The following CAMTA1 variants were observed in gnomAD, a reference collection of about 807,000 sequenced individuals.
CAMTA1 encodes the protein calmodulin-binding transcription activator 1.
Under a neutral mutation model 170.9 loss-of-function variants are expected in CAMTA1, and 27 were observed. The ratio of observed to expected loss-of-function variants is 0.16; its 90% CI spans 0.12 to 0.22. The LOEUF (loss-of-function observed/expected upper bound fraction) is 0.22. CAMTA1 is among the 10% of genes least tolerant of loss of function. The pLI, the probability that CAMTA1 is intolerant of heterozygous loss-of-function variation, is 1.00. For synonymous variants in CAMTA1, 833 were observed against 891.5 expected (o/e 0.93, Z 1.17); for missense variants, 1,619 against 2,217.2 (o/e 0.73, Z 5.42).
intron 16 of CAMTA1, among the ~76,000 whole-genome samples, chr1:7,744,124 G>T (rs1203981075): frequency 8.4e-6 from 1 of 119,730 alleles, no homozygotes; most frequent in Non-Finnish European, 1.7e-5. Flanking sequence ...ACTGCGCCTG[G>T]CCTCTTTTTT....
chr1:7,485,232 A>G (rs964514615), intron 6 of CAMTA1, among the ~76,000 whole-genome samples: 7 of 152,052 alleles, frequency 4.6e-5, no homozygotes, highest in African/African-American at 1.7e-4. Context: ...CGCGCATTAC[A>G]TAGCTGCAGT....
intron 6 of CAMTA1, among the ~76,000 whole-genome samples, chr1:7,472,195 C>T (rs151012356): frequency 9.3e-4 from 142 of 152,250 alleles, no homozygotes; most frequent in African/African-American, 3.2e-3. Flanking sequence ...AGCACGGCTG[C>T]GGGGAGACGA....
Position 7,680,583 on chromosome 1 carries a change from G to A in CAMTA1, c.2914+2850G>A, listed in dbSNP as rs2096183048. 6.6e-6 allele frequency among the ~76,000 whole-genome samples: 1 copy of A among 151,968 alleles called. No individual in the cohort carries two copies. Among genetic ancestry groups the A allele is most frequent in the Non-Finnish European group, 1.5e-5 (1 of 67,958 alleles). On this transcript the variant is annotated intron_variant, in intron 11 of 22. Coordinates refer to ENST00000303635, the MANE Select transcript of CAMTA1 (RefSeq NM_015215.4). This position sits in a 1 kb window ranked among gnomAD's most constrained non-coding sequence, Gnocchi z 4.4. ...ACTGCGAGGACCGCGGGACTAGGAA[G>A]GCCTGAGCCCGGCCACCCGCCTCCG...
At chr1:7,076,213 G>A (rs891485965) in intron 3 of CAMTA1, among the ~76,000 whole-genome samples, 5 of 152,186 alleles carry the variant, frequency 3.3e-5, no homozygotes, top group Non-Finnish European at 7.3e-5. Flanking sequence ...GACAAGAAGG[G>A]CCTCGTTTTA....
At chr1:7,724,161 C>T (rs898564215) in intron 11 of CAMTA1, among the ~76,000 whole-genome samples, 2 of 152,210 alleles carry the variant, frequency 1.3e-5, no homozygotes, top group African/African-American at 4.8e-5. Context: ...TATGGAGAAA[C>T]TGTCACAGAT....
rs2096189128 is a variant in CAMTA1 at position 7,680,840 on chromosome 1, ACACGCGCGCG to A, written c.2914+3109_2914+3118del. 7.8e-6 allele frequency among the ~76,000 whole-genome samples: 1 copy of A among 127,402 alleles called. No homozygotes were observed. Among genetic ancestry groups the A allele is most frequent in the Non-Finnish European group, 1.8e-5 (1 of 55,942 alleles). 83.6% of individuals were successfully genotyped at this position (127,402 alleles called of 152,430 possible). ...GGGGCGTGGGTCCGGGGCGCAGAGA[ACACGCGCGCG>A]CGCGCGCGCGCCAGCAGCAGCAGCA... is the stretch of plus-strand genomic sequence containing the variant. On this transcript the variant is annotated intron_variant, in intron 11 of 22. Transcript: ENST00000303635. The surrounding 1 kb of genome is among the most constrained non-coding windows in gnomAD (Gnocchi z 4.4).
chr1:6,998,612 T>A (rs577339814), intron 3 of CAMTA1, among the ~76,000 whole-genome samples: 1 of 152,374 alleles, frequency 6.6e-6, no homozygotes, highest in South Asian at 2.1e-4. Flanking sequence ...TAGCACCGTC[T>A]GGTGCACCTT....
rs550817260 is a variant in CAMTA1, at chr1:7,293,649, G to C, written c.438+44023G>C. Among the ~76,000 whole-genome samples, 1 of 152,322 alleles carries C rather than the reference G, an allele frequency of 6.6e-6. No individual in the cohort carries two copies. Among genetic ancestry groups the C allele is most frequent in the Non-Finnish European group, 1.5e-5 (1 of 68,024 alleles). On this transcript the variant is annotated intron_variant, in intron 5 of 22. Transcript: ENST00000303635. This position sits in a 1 kb window ranked among gnomAD's most constrained non-coding sequence, Gnocchi z 4.1. ...GGTATTTCAATAAGATTGAAGGGGGGTGGAAATAGATTGCATCCCACTTAG... is the reference window on the plus strand; with the variant it reads ...GGTATTTCAATAAGATTGAAGGGGGCTGGAAATAGATTGCATCCCACTTAG...
rs1436192966 is a variant in CAMTA1 at position 7,579,552 on chromosome 1, C to CTTTCTTTCTTTTTTTT, written c.511-60845_511-60844insCTTTCTTTTTTTTTTT. Among the ~76,000 whole-genome samples the CTTTCTTTCTTTTTTTT allele has an allele frequency of 3.5e-3, 278 of 79,162 alleles. 10 individuals are homozygous for CTTTCTTTCTTTTTTTT. Among genetic ancestry groups the CTTTCTTTCTTTTTTTT allele is most frequent in the African/African-American group, 0.016 (271 of 16,932 alleles). 51.9% of individuals were successfully genotyped at this position (79,162 alleles called of 152,430 possible). A position where few individuals can be genotyped will look rare whatever the true frequency, so the allele number is the denominator to read the frequency against. The stretch of plus-strand genomic sequence containing the variant: ...GGTCCACTTTCTTTTCTTTTCTTTT[C>CTTTCTTTCTTTTTTTT]TTTTTTTTTTTTTTTTTTTTTTTTT... On this transcript the variant is annotated intron_variant, in intron 6 of 22. Coordinates refer to ENST00000303635, the MANE Select transcript of CAMTA1 (RefSeq NM_015215.4).
At chr1:7,644,093 C>T (rs949474736) in intron 7 of CAMTA1, among the ~76,000 whole-genome samples, 2 of 152,178 alleles carry the variant, frequency 1.3e-5, no homozygotes, top group South Asian at 2.1e-4. Context: ...GAGTTGTCAG[C>T]GGTTTAATCA....
intron 10 of CAMTA1, among the ~76,000 whole-genome samples, chr1:7,672,502 A>G (rs2096069282): frequency 6.6e-6 from 1 of 151,892 alleles, no homozygotes; most frequent in African/African-American, 2.4e-5. Flanking sequence ...GCTCACTGCA[A>G]CCTCTGTTTC....
At chr1:6,925,836 C>T (rs938763000) in intron 3 of CAMTA1, among the ~76,000 whole-genome samples, 1 of 152,188 alleles carries the variant, frequency 6.6e-6, no homozygotes, top group African/African-American at 2.4e-5. Context: ...GCCATAGGGC[C>T]CTAAGCTGTC....
Position 7,193,923 on chromosome 1 carries a change from A to G in CAMTA1, c.303-55568A>G, listed in dbSNP as rs78437257. On this transcript the variant is annotated intron_variant, in intron 4 of 22. Transcript: ENST00000303635. Reference sequence around the variant, plus strand: ...TCCCACCATCTCTGAGGCCTAAATGACAGGGTTCTTGAAGACAGCAACAGA... The same window carrying G: ...TCCCACCATCTCTGAGGCCTAAATGGCAGGGTTCTTGAAGACAGCAACAGA... Among the ~76,000 whole-genome samples the G allele has an allele frequency of 4.4e-3, 676 of 152,280 alleles. 21 individuals are homozygous for G. The East Asian group carries it at 0.08, about 18-fold the overall frequency.
At chr1:6,973,822 C>T (rs1268449245) in intron 3 of CAMTA1, among the ~76,000 whole-genome samples, 1 of 152,168 alleles carries the variant, frequency 6.6e-6, no homozygotes, top group African/African-American at 2.4e-5. Context: ...GAAAGTATCG[C>T]CTCATCTCCC....
intron 6 of CAMTA1, among the ~76,000 whole-genome samples, chr1:7,637,421 C>T (rs1468107951): frequency 1.3e-5 from 2 of 152,240 alleles, no homozygotes; most frequent in Non-Finnish European, 1.5e-5. Flanking sequence ...TGGCCGTGCC[C>T]AGGCACAGGC....
chr1:7,368,447 C>T lies in CAMTA1; in HGVS notation c.439-99383C>T, dbSNP rs572859459. On this transcript the variant is annotated intron_variant, in intron 5 of 22. Transcript: ENST00000303635. The stretch of plus-strand genomic sequence containing the variant: ...ACTGGGCACTCATGGTTTCATTGGG[C>T]GCAGGCACTGGGCACTCATGGTTTC... Among the ~76,000 whole-genome samples, 9 of 150,676 alleles carry T rather than the reference C, an allele frequency of 6.0e-5. No homozygotes were observed. In the East Asian group the frequency reaches 1.2e-3, roughly 20 times the overall value.
intron 3 of CAMTA1, among the ~76,000 whole-genome samples, chr1:7,061,342 C>T (rs546099344): frequency 5.3e-5 from 8 of 152,338 alleles, no homozygotes; most frequent in South Asian, 4.1e-4. Flanking sequence ...TGGTCGCCAG[C>T]GCGCACAGTT....
chr1:6,899,903 T>A (rs970228258), intron 3 of CAMTA1, among the ~76,000 whole-genome samples: 1 of 152,266 alleles, frequency 6.6e-6, no homozygotes, highest in Non-Finnish European at 1.5e-5. Flanking sequence ...GTGTTGCCTC[T>A]GTGTTATACA....
intron 3 of CAMTA1, chr1:6,888,283 G>A (rs1673756251): frequency 1.0e-6 from 1 of 982,438 alleles, no homozygotes; most frequent in Non-Finnish European, 1.2e-6. Context: ...CAATGATAAA[G>A]CAGTGAAAGT....
Sources: gnomAD v4.1 joint callset for allele counts (sites outside exome capture counted in the v4.1 genomes callset) on GRCh38, gnomAD v4.1.1 for gene constraint, Gnocchi (gnomAD v3.1) non-coding constraint, MANE v1.5 for transcripts, NCBI Gene and HGNC (gene_info 2026-07-23, HGNC 2026-07-21) for gene names.